The following BRINP2 variants were observed in gnomAD, a reference collection of about 807,000 sequenced individuals.
The protein encoded by BRINP2 is BMP/retinoic acid-inducible neural-specific protein 2.
Under a neutral mutation model 69.2 loss-of-function variants are expected in BRINP2, and 21 were observed. The observed-to-expected ratio is 0.30, with a 90% CI of 0.22 to 0.44. The LOEUF (loss-of-function observed/expected upper bound fraction) is 0.44, where lower values mean the gene tolerates loss of function less well. BRINP2 is among the 20% of genes least tolerant of loss of function. The probability of loss-of-function intolerance (pLI) is 1.00; values close to 1 mark genes in which losing one functional copy is unlikely to be tolerated. For missense variants in BRINP2, 877 were observed against 986.0 expected (o/e 0.89, Z 1.48); for synonymous variants, 380 against 394.1 (o/e 0.96, Z 0.42).
intron 1 of BRINP2, among the ~76,000 whole-genome samples, chr1:177,200,539 G>A (rs1034031975): frequency 6.6e-6 from 1 of 151,894 alleles, no homozygotes; most frequent in Non-Finnish European, 1.5e-5. Flanking sequence ...AACAAGTAAA[G>A]CAGGCTCCTC....
chr1:177,230,451 G>A (rs748384551), intron 2 of BRINP2, among the ~76,000 whole-genome samples: 14 of 152,252 alleles, frequency 9.2e-5, no homozygotes, highest in Non-Finnish European at 1.0e-4. Context: ...TGGAGTCAGC[G>A]TGTGGCCCAG....
At chr1:177,209,259 A>G (rs531854293) in intron 1 of BRINP2, among the ~76,000 whole-genome samples, 1 of 152,302 alleles carries the variant, frequency 6.6e-6, no homozygotes, top group South Asian at 2.1e-4. Context: ...ACCATCTTTA[A>G]TTGAAACTTC....
intron 1 of BRINP2, among the ~76,000 whole-genome samples, chr1:177,227,684 T>G (rs867098722): frequency 1.6e-4 from 25 of 152,322 alleles, no homozygotes; most frequent in African/African-American, 6.0e-4. Flanking sequence ...TGATTTTATT[T>G]TTTATATTTA....
At chr1:177,271,952 G>T (rs547139482) in intron 4 of BRINP2, among the ~76,000 whole-genome samples, 182 of 152,188 alleles carry the variant, frequency 1.2e-3, no homozygotes, top group African/African-American at 4.1e-3. Context: ...TTATCACTCT[G>T]CTCCATGTGT....
chr1:177,238,707 A>T (rs1288692982), intron 2 of BRINP2, among the ~76,000 whole-genome samples: 1 of 152,248 alleles, frequency 6.6e-6, no homozygotes, highest in African/African-American at 2.4e-5. Flanking sequence ...GAGTAAAGTG[A>T]CAAAGAAAAT....
chr1:177,256,714 C>G, intron 3 of BRINP2: 1 of 1,076,642 alleles, frequency 9.3e-7, no homozygotes, highest in Non-Finnish European at 1.1e-6. Context: ...ACTGTCCAAT[C>G]GACTAAAACA....
Position 177,281,601 on chromosome 1 carries a change from AC to A in BRINP2, c.*75del. 1 of 1,494,680 alleles carries A rather than the reference AC, an allele frequency of 6.7e-7. No homozygotes were observed. Among genetic ancestry groups the A allele is most frequent in the South Asian group, 1.3e-5 (1 of 75,152 alleles). The allele number at this position is 1,494,680 out of a possible 1,614,324, so 92.6% of individuals were successfully genotyped here. Reference sequence around the variant, plus strand: ...GGGTACAAAGATAATCTAAGCCCTCACCTTAGTGCCAACAGGGTGTGCTCCC... The same window carrying A: ...GGGTACAAAGATAATCTAAGCCCTCACTTAGTGCCAACAGGGTGTGCTCCC... On this transcript the variant is annotated 3_prime_UTR_variant, in exon 8 of 8. Coordinates refer to ENST00000361539, the MANE Select transcript of BRINP2 (RefSeq NM_021165.4).
intron 4 of BRINP2, among the ~76,000 whole-genome samples, chr1:177,269,165 T>C (rs952492382): frequency 6.6e-6 from 1 of 152,186 alleles, no homozygotes; most frequent in Non-Finnish European, 1.5e-5. Flanking sequence ...AGGAGGCCTC[T>C]AGAGCCCTGC....
chr1:177,273,725 A>G, intron 5 of BRINP2, 132 bp downstream of exon 5: 1 of 563,458 alleles, frequency 1.8e-6, no homozygotes. Context: ...AACTACCACA[A>G]GTTCTGGAAC....
At chr1:177,226,837 G>A (rs193273021) in intron 1 of BRINP2, among the ~76,000 whole-genome samples, 29 of 152,190 alleles carry the variant, frequency 1.9e-4, no homozygotes, top group Admixed American at 1.8e-3. Flanking sequence ...AGATTCCAGA[G>A]CCCATCTATA....
At chr1:177,222,778 A>C (rs1206226293) in intron 1 of BRINP2, among the ~76,000 whole-genome samples, 3 of 152,138 alleles carry the variant, frequency 2.0e-5, no homozygotes, top group African/African-American at 7.2e-5. Flanking sequence ...CCAACCAAGG[A>C]AGGCAGGCAG....
chr1:177,280,536 G>T lies in BRINP2; in HGVS notation c.1360G>T (p.Gly454Cys). 1 of 1,614,164 alleles carries T rather than the reference G, an allele frequency of 6.2e-7. No homozygotes were observed. Among genetic ancestry groups the T allele is most frequent in the Non-Finnish European group, 8.5e-7 (1 of 1,180,034 alleles). The stretch of plus-strand genomic sequence containing the variant: ...CCCCTATGACCAATCTTCCTGCCAG[G>T]GCCCCATCCCATGTGCCTTGGGCGA... ...TCPYDQSSCQ[G>C]PIPCALGEGP... Residue 454 changes from glycine (G) to cysteine (C), a missense_variant, in exon 8 of 8, where the codon GGC becomes TGC. This residue lies in a region of BRINP2 where 566 missense variants were observed against 625.2 expected (regional missense o/e 0.91). Transcript: ENST00000361539.
In BRINP2 at chr1:177,281,375, T is replaced by G; in HGVS notation, c.2199T>G (p.Pro733=). The stretch of plus-strand genomic sequence containing the variant: ...ACCGGGTGAACCAGCTTTCTCCACC[T>G]GGCAAAGTCCGACTTGACCTTTTCT... ...LRDRVNQLSP[P]GKVRLDLFSC... The change falls in exon 8 of 8, where the codon CCT becomes CCG. Residue 733 remains proline (P), a synonymous_variant. Coordinates refer to ENST00000361539, the MANE Select transcript of BRINP2 (RefSeq NM_021165.4). 6.2e-7 allele frequency: 1 copy of G among 1,614,168 alleles called. No individual in the cohort carries two copies. The highest frequency in any genetic ancestry group is 8.5e-7 in the Non-Finnish European group (1 of 1,180,014).
intron 1 of BRINP2, 127 bp from the exon 2 acceptor site, chr1:177,229,674 C>A (rs969699770): frequency 3.2e-6 from 2 of 617,306 alleles, no homozygotes; most frequent in African/African-American, 3.8e-5. Context: ...TAGCTAAATG[C>A]CGAGAACGAA....
chr1:177,207,566 C>G (rs75933641), intron 1 of BRINP2, among the ~76,000 whole-genome samples: 64 of 152,274 alleles, frequency 4.2e-4, no homozygotes, highest in Admixed American at 3.1e-3. Context: ...TGCCTCGAAT[C>G]TGGTCCCAGC....
At chr1:177,172,211 C>T (rs1558147264) in intron 1 of BRINP2, among the ~76,000 whole-genome samples, 1 of 152,170 alleles carries the variant, frequency 6.6e-6, no homozygotes, top group East Asian at 1.9e-4. Flanking sequence ...TGGCATGTTT[C>T]CCATGCACAT....
intron 1 of BRINP2, among the ~76,000 whole-genome samples, chr1:177,218,684 C>A (rs1649442732): frequency 6.6e-6 from 1 of 151,976 alleles, no homozygotes; most frequent in Non-Finnish European, 1.5e-5. Context: ...AAACCATGGG[C>A]CCTAGGGAAT....
intron 4 of BRINP2, 102 bp from the exon 5 acceptor site, chr1:177,273,386 A>G: frequency 1.4e-6 from 1 of 698,588 alleles, no homozygotes; most frequent in Non-Finnish European, 2.4e-6. Context: ...CAGCTGGTCA[A>G]GGACAGGATG....
At chr1:177,279,691 A>G (rs982858783) in intron 7 of BRINP2, among the ~76,000 whole-genome samples, 5 of 152,260 alleles carry the variant, frequency 3.3e-5, no homozygotes, top group Admixed American at 2.0e-4. Flanking sequence ...CTTACCATGC[A>G]CAGAAACAAT....
Sources: gnomAD v4.1 joint callset for allele counts (sites outside exome capture counted in the v4.1 genomes callset) on GRCh38, gnomAD v4.1.1 for gene constraint, gnomAD v4.1.1 regional missense constraint, MANE v1.5 for transcripts, NCBI Gene and HGNC (gene_info 2026-07-23, HGNC 2026-07-21) for gene names.